Variants in PPP1R9A observed in about 807,000 individuals in gnomAD.
PPP1R9A encodes protein phosphatase 1 regulatory subunit 9A.
A neutral mutation model predicts 141.9 loss-of-function variants in PPP1R9A; 59 were observed. That is an observed-to-expected ratio of 0.42 (90% CI 0.34 to 0.52). PPP1R9A has a LOEUF of 0.52. PPP1R9A is among the 20% of genes least tolerant of loss of function. The pLI, the probability that PPP1R9A is intolerant of heterozygous loss-of-function variation, is 0.10. For synonymous variants in PPP1R9A, 500 were observed against 569.7 expected (o/e 0.88, Z 1.74); for missense variants, 1,444 against 1,611.9 (o/e 0.90, Z 1.78).
At chr7:95,261,958 A>G (rs1800496495) in intron 12 of PPP1R9A, among the ~76,000 whole-genome samples, 1 of 152,186 alleles carries the variant, frequency 6.6e-6, no homozygotes, top group Admixed American at 6.5e-5. Context: ...GGAAATAACT[A>G]TCATCTCAGG....
chr7:95,200,592 T>A (rs569555148), intron 6 of PPP1R9A, among the ~76,000 whole-genome samples: 1 of 152,322 alleles, frequency 6.6e-6, no homozygotes, highest in Non-Finnish European at 1.5e-5. Flanking sequence ...GATTTTTCTT[T>A]AACTTGATAA....
chr7:95,002,031 G>C (rs1237865768), intron 2 of PPP1R9A, among the ~76,000 whole-genome samples: 1 of 152,146 alleles, frequency 6.6e-6, no homozygotes, highest in Non-Finnish European at 1.5e-5. Context: ...TCTCTCTGCA[G>C]CAATTAAAAA....
At chr7:95,162,787 T>C (rs887439054) in intron 5 of PPP1R9A, among the ~76,000 whole-genome samples, 3 of 152,218 alleles carry the variant, frequency 2.0e-5, no homozygotes, top group Non-Finnish European at 2.9e-5. Flanking sequence ...GGCAGTAACA[T>C]TAGGATATTA....
intron 2 of PPP1R9A, among the ~76,000 whole-genome samples, chr7:94,918,002 G>T (rs954959307): frequency 6.6e-6 from 1 of 152,142 alleles, no homozygotes; most frequent in African/African-American, 2.4e-5. Context: ...GATAAATTCT[G>T]TATAAACAAA....
At chr7:95,035,804 C>T (rs1201625774) in intron 2 of PPP1R9A, 2 of 152,058 alleles carry the variant, frequency 1.3e-5, no homozygotes, top group African/African-American at 4.8e-5. Context: ...GCAGTTTTCC[C>T]CCAAACCTTA....
At chr7:94,978,018 C>T (rs183694877) in intron 2 of PPP1R9A, among the ~76,000 whole-genome samples, 66 of 152,226 alleles carry the variant, frequency 4.3e-4, no homozygotes, top group African/African-American at 1.6e-3. Flanking sequence ...GCCTCGGCCT[C>T]CCAAAGTGCT....
chr7:95,132,826 G>A (rs1488871120), intron 4 of PPP1R9A, among the ~76,000 whole-genome samples: 1 of 152,194 alleles, frequency 6.6e-6, no homozygotes, highest in Non-Finnish European at 1.5e-5. Flanking sequence ...ATCTAGACAA[G>A]GGTAATGTGG....
At chr7:95,237,183 T>A (rs13308742) in intron 8 of PPP1R9A, among the ~76,000 whole-genome samples, 53,932 of 133,146 alleles carry the variant, frequency 0.41, 10,335 homozygotes, top group South Asian at 0.48. Flanking sequence ...ATATATATTT[T>A]TTTTTTTTTA....
chr7:95,248,097 A>G (rs1345181840), intron 9 of PPP1R9A, among the ~76,000 whole-genome samples: 2 of 150,434 alleles, frequency 1.3e-5, no homozygotes, highest in Non-Finnish European at 1.5e-5. Context: ...ATTAGTCTAT[A>G]TATTTTCATT....
At chr7:95,151,730 G>A (rs1159623471) in intron 4 of PPP1R9A, among the ~76,000 whole-genome samples, 1 of 151,168 alleles carries the variant, frequency 6.6e-6, no homozygotes, top group Non-Finnish European at 1.5e-5. Flanking sequence ...CTGTGCATGT[G>A]TGCAGACAGG....
chr7:94,944,471 A>AC (rs1190278498), intron 2 of PPP1R9A, among the ~76,000 whole-genome samples: 2 of 150,692 alleles, frequency 1.3e-5, no homozygotes, highest in Non-Finnish European at 3.0e-5. Context: ...ATTAAAAAAA[A>AC]AGGTCATTAC....
intron 2 of PPP1R9A, among the ~76,000 whole-genome samples, chr7:95,002,546 C>T (rs1330174130): frequency 2.6e-5 from 4 of 151,994 alleles, no homozygotes; most frequent in Non-Finnish European, 5.9e-5. Flanking sequence ...GCAACTTAGA[C>T]GTGATGTTGC....
At chr7:95,116,672 A>G (rs957411767) in intron 3 of PPP1R9A, among the ~76,000 whole-genome samples, 2 of 152,224 alleles carry the variant, frequency 1.3e-5, no homozygotes, top group African/African-American at 2.4e-5. Flanking sequence ...TGCAAAAAAC[A>G]GTATTAAATT....
intron 14 of PPP1R9A, among the ~76,000 whole-genome samples, chr7:95,271,581 A>G (rs1039356464): frequency 5.3e-5 from 8 of 152,342 alleles, no homozygotes; most frequent in South Asian, 4.1e-4. Context: ...CAGGACTGCC[A>G]GGTAGATTTG....
intron 2 of PPP1R9A, among the ~76,000 whole-genome samples, chr7:94,948,884 C>T (rs1002746650): frequency 6.6e-6 from 1 of 152,002 alleles, no homozygotes; most frequent in African/African-American, 2.4e-5. Context: ...TATTATTATT[C>T]ATTTTGTGTC....
At chr7:95,027,747 C>T (rs1807089480) in intron 2 of PPP1R9A, among the ~76,000 whole-genome samples, 1 of 152,114 alleles carries the variant, frequency 6.6e-6, no homozygotes, top group East Asian at 1.9e-4. Context: ...TGTTACTGTA[C>T]TGAATACTGT....
chr7:95,135,121 A>G (rs1405518643), intron 4 of PPP1R9A, among the ~76,000 whole-genome samples: 3 of 152,162 alleles, frequency 2.0e-5, no homozygotes, highest in African/African-American at 7.2e-5. Flanking sequence ...TGTTTTTTAT[A>G]GCTTATCACA....
At chr7:95,002,756 C>A (rs1371188916) in intron 2 of PPP1R9A, among the ~76,000 whole-genome samples, 1 of 152,126 alleles carries the variant, frequency 6.6e-6, no homozygotes, top group East Asian at 1.9e-4. Context: ...AATTGGATGG[C>A]ACAGTATAGG....
chr7:95,131,699 T>G (rs1473746274), intron 4 of PPP1R9A, among the ~76,000 whole-genome samples: 2 of 152,022 alleles, frequency 1.3e-5, no homozygotes, highest in Admixed American at 6.5e-5. Context: ...ATTTTTAATT[T>G]TATATATTTT....
Sources: allele counts gnomAD v4.1 joint callset (sites outside exome capture counted in the v4.1 genomes callset), GRCh38; gene constraint gnomAD v4.1.1; transcripts MANE v1.5; gene names NCBI Gene and HGNC (gene_info 2026-07-23, HGNC 2026-07-21).